ARHGAP15: variants seen among roughly 807,000 people sequenced by gnomAD.
ARHGAP15 encodes the protein Rho GTPase activating protein 15.
A neutral mutation model predicts 63.7 loss-of-function variants in ARHGAP15; 51 were observed. The observed-to-expected ratio is 0.80, with a 90% CI of 0.64 to 1.01. The LOEUF is 1.01. Ranked by LOEUF, ARHGAP15 falls within the 50% of genes least tolerant of loss-of-function variation. The pLI, the probability that ARHGAP15 is intolerant of heterozygous loss-of-function variation, is 0.00. For missense variants in ARHGAP15, 560 were observed against 564.6 expected (o/e 0.99, Z 0.08); for synonymous variants, 191 against 193.8 (o/e 0.99, Z 0.12).
chr2:143,293,458 G>A (rs1682497148), intron 6 of ARHGAP15, among the ~76,000 whole-genome samples: 1 of 152,076 alleles, frequency 6.6e-6, no homozygotes, highest in Non-Finnish European at 1.5e-5. Flanking sequence ...CACATGGTCT[G>A]CACATCTCCA....
intron 12 of ARHGAP15, among the ~76,000 whole-genome samples, chr2:143,625,495 T>C (rs1017768388): frequency 6.6e-6 from 1 of 152,078 alleles, no homozygotes; most frequent in Admixed American, 6.6e-5. Flanking sequence ...GCTGCTGTTG[T>C]TGAATGCAGT....
intron 10 of ARHGAP15, among the ~76,000 whole-genome samples, chr2:143,548,878 A>T (rs145782326): frequency 2.7e-3 from 418 of 152,078 alleles, no homozygotes; most frequent in African/African-American, 9.6e-3. Context: ...ATAAAAATTG[A>T]AAAGAAAAGG....
rs1174365277 is a variant in ARHGAP15 at position 143,667,556 on chromosome 2, A to G, written c.1139-35863A>G. ...TGAACAATGTGCACATGTACCCTAA[A>G]ACTTAAAGTATAATTTAAAAAAAAT... On this transcript the variant is annotated intron_variant, in intron 12 of 13. Transcript: ENST00000295095. 3.4e-5 allele frequency among the ~76,000 whole-genome samples: 5 copies of G among 148,702 alleles called. No homozygotes were observed. The Admixed American group carries it at 3.4e-4, about 10-fold the overall frequency.
intron 1 of ARHGAP15, among the ~76,000 whole-genome samples, chr2:143,138,458 G>A (rs1689233061): frequency 6.6e-6 from 1 of 152,050 alleles, no homozygotes; most frequent in Non-Finnish European, 1.5e-5. Flanking sequence ...GAGTCTAAAA[G>A]GCTCTAAAAG....
At chr2:143,283,151 G>C (rs1681933398) in intron 6 of ARHGAP15, among the ~76,000 whole-genome samples, 1 of 152,104 alleles carries the variant, frequency 6.6e-6, no homozygotes, top group Non-Finnish European at 1.5e-5. Flanking sequence ...TGTCCAAAAT[G>C]ATCAAATTTT....
intron 6 of ARHGAP15, among the ~76,000 whole-genome samples, chr2:143,391,551 C>T (rs921196469): frequency 2.0e-5 from 3 of 152,190 alleles, no homozygotes; most frequent in African/African-American, 7.2e-5. Context: ...AAGCACTTAA[C>T]TCAATTGATT....
At chr2:143,348,368 AT>A (rs1685395634) in intron 6 of ARHGAP15, among the ~76,000 whole-genome samples, 1 of 151,922 alleles carries the variant, frequency 6.6e-6, no homozygotes, top group African/African-American at 2.4e-5. Context: ...TAGCCACACT[AT>A]TTTTTTCGAA....
chr2:143,641,565 A>G (rs1680601480), intron 12 of ARHGAP15, among the ~76,000 whole-genome samples: 1 of 152,116 alleles, frequency 6.6e-6, no homozygotes, highest in African/African-American at 2.4e-5. Context: ...CTTTTCTCTA[A>G]TGTTGGTGGA....
chr2:143,228,521 T>C, intron 4 of ARHGAP15, 60 bp from the exon 5 acceptor site: 2 of 1,158,090 alleles, frequency 1.7e-6, no homozygotes, highest in East Asian at 4.8e-5. Flanking sequence ...TCATACTGTA[T>C]CTATAAATGA....
At chr2:143,136,297 T>C (rs1689136963) in intron 1 of ARHGAP15, among the ~76,000 whole-genome samples, 1 of 152,082 alleles carries the variant, frequency 6.6e-6, no homozygotes, top group Admixed American at 6.6e-5. Flanking sequence ...GTTATATCTT[T>C]TTTTTTTCAG....
intron 8 of ARHGAP15, among the ~76,000 whole-genome samples, chr2:143,476,454 C>G (rs1691820618): frequency 6.6e-6 from 1 of 152,072 alleles, no homozygotes; most frequent in Non-Finnish European, 1.5e-5. Flanking sequence ...CCAAAGTTGG[C>G]TTAAGTCACA....
chr2:143,180,203 C>T (rs1691180982), intron 2 of ARHGAP15, among the ~76,000 whole-genome samples: 1 of 152,222 alleles, frequency 6.6e-6, no homozygotes, highest in South Asian at 2.1e-4. Flanking sequence ...GGAGGCAATC[C>T]TTTCAAACTC....
At chr2:143,200,744 T>G (rs1438023414) in intron 2 of ARHGAP15, among the ~76,000 whole-genome samples, 1 of 152,080 alleles carries the variant, frequency 6.6e-6, no homozygotes, top group East Asian at 1.9e-4. Flanking sequence ...AAAAGAACAT[T>G]AAGATTTATT....
At chr2:143,413,353 C>A (rs1439334575) in intron 6 of ARHGAP15, among the ~76,000 whole-genome samples, 1 of 152,178 alleles carries the variant, frequency 6.6e-6, no homozygotes, top group Non-Finnish European at 1.5e-5. Flanking sequence ...AAGGCATAGT[C>A]CTTCAGGATC....
chr2:143,397,628 AC>A (rs1346499942), intron 6 of ARHGAP15, among the ~76,000 whole-genome samples: 1 of 152,096 alleles, frequency 6.6e-6, no homozygotes. Context: ...TTTTTGCTTA[AC>A]TTTTTTCATA....
chr2:143,270,503 T>C (rs1681221725), intron 6 of ARHGAP15, among the ~76,000 whole-genome samples: 1 of 152,238 alleles, frequency 6.6e-6, no homozygotes. Flanking sequence ...TAATTTATTT[T>C]GCTGTGTAGT....
intron 13 of ARHGAP15, among the ~76,000 whole-genome samples, chr2:143,718,712 C>T (rs1684919136): frequency 6.6e-6 from 1 of 152,176 alleles, no homozygotes; most frequent in Admixed American, 6.5e-5. Context: ...CAGATTCTTT[C>T]TCTTGTCTGT....
intron 10 of ARHGAP15, among the ~76,000 whole-genome samples, chr2:143,543,767 A>C (rs377195431): frequency 6.6e-6 from 1 of 152,160 alleles, no homozygotes; most frequent in Non-Finnish European, 1.5e-5. Flanking sequence ...TTTGTATTAC[A>C]CTAGTGCTAG....
chr2:143,137,752 C>A (rs1003568440), intron 1 of ARHGAP15, among the ~76,000 whole-genome samples: 5 of 151,984 alleles, frequency 3.3e-5, no homozygotes, highest in African/African-American at 1.2e-4. Context: ...TTTAAAAGAG[C>A]TATGGAAGGT....
Sources: allele counts gnomAD v4.1 joint callset (sites outside exome capture counted in the v4.1 genomes callset), GRCh38; gene constraint gnomAD v4.1.1; transcripts MANE v1.5; gene names NCBI Gene and HGNC (gene_info 2026-07-23, HGNC 2026-07-21).